MMUT: variants seen among roughly 807,000 people sequenced by gnomAD.
MMUT encodes the protein methylmalonyl-CoA mutase, also known as methylmalonyl-CoA mutase, mitochondrial.
Under a neutral mutation model 79.9 loss-of-function variants are expected in MMUT, and 79 were observed. That is an observed-to-expected ratio of 0.99 (90% confidence interval 0.82 to 1.19). The LOEUF is 1.19. Ranked by LOEUF, MMUT falls within the 50% of genes most tolerant of loss-of-function variation. The probability of loss-of-function intolerance (pLI) is 0.00; values close to 1 mark genes in which losing one functional copy is unlikely to be tolerated. For synonymous variants in MMUT, 273 were observed against 295.7 expected (o/e 0.92, Z 0.79); for missense variants, 860 against 917.2 (o/e 0.94, Z 0.81).
At chr6:49,452,487 C>T (rs1202029301) in intron 5 of MMUT, among the ~76,000 whole-genome samples, 1 of 152,078 alleles carries the variant, frequency 6.6e-6, no homozygotes, top group Non-Finnish European at 1.5e-5. Flanking sequence ...TGCCTGCCAA[C>T]ACACCTGGCT....
intron 8 of MMUT, 133 bp from the exon 9 acceptor site, chr6:49,444,887 T>C (rs961837969): frequency 3.2e-6 from 2 of 621,914 alleles, no homozygotes; most frequent in Middle Eastern, 3.0e-4. Flanking sequence ...GAGGAAAAAA[T>C]TGAAAAGAAT....
intron 11 of MMUT, among the ~76,000 whole-genome samples, chr6:49,439,270 C>CA: frequency 6.6e-6 from 1 of 152,226 alleles, no homozygotes; most frequent in South Asian, 2.1e-4. Context: ...ATTCAGTTTC[C>CA]ACCAAAGTCC....
At chr6:49,447,509 CAATGCCTTATCTTTAGTTCCCTT>C (rs1767438235) in intron 8 of MMUT, among the ~76,000 whole-genome samples, 138 bp downstream of exon 8, 1 of 151,710 alleles carries the variant, frequency 6.6e-6, no homozygotes, top group South Asian at 2.1e-4. Flanking sequence ...GCAAGTTTCT[CAATGCCTTATCTTTAGTTCCCTT>C]ACATTTGAAA....
chr6:49,451,446 T>TGCAAAGTGGAAA lies in MMUT; in HGVS notation c.1332+8_1332+19dup. 6.2e-7 allele frequency: 1 copy of TGCAAAGTGGAAA among 1,613,038 alleles called. No homozygotes were observed. The highest frequency in any genetic ancestry group is 8.5e-7 in the Non-Finnish European group (1 of 1,179,358). On this transcript the variant is annotated intron_variant, in intron 6 of 12. Coordinates refer to ENST00000274813, the MANE Select transcript of MMUT (RefSeq NM_000255.4). ...AATCTGTAAATTCTGAAAACAAAGT[T>TGCAAAGTGGAAA]GCAAAGTGGAAAAACTTACCTTTAA...
Position 49,441,845 on chromosome 6 carries a change from G to A in MMUT, c.1803C>T (p.Ile601=), listed in dbSNP as rs2127415165. 1.2e-6 allele frequency: 2 copies of A among 1,611,070 alleles called. No individual in the cohort carries two copies. The highest frequency in any genetic ancestry group is 1.7e-4 in the Middle Eastern group (1 of 6,046). The part of the protein sequence containing the change: ...FGESKEITSA[I]KRVHKFMERE... ...TAAGAAACCTTACATATTACCTCTT[G>A]ATAGCAGATGTTATCTCTTTACTTT... The change falls in exon 10 of 13, where the codon ATC becomes ATT. Residue 601 remains isoleucine (I), a synonymous_variant. Coordinates refer to ENST00000274813, the MANE Select transcript of MMUT (RefSeq NM_000255.4).
chr6:49,457,198 G>A (rs771716965), intron 3 of MMUT, among the ~76,000 whole-genome samples: 9 of 152,192 alleles, frequency 5.9e-5, no homozygotes, highest in Non-Finnish European at 1.3e-4. Flanking sequence ...GAAAATGAAG[G>A]AGGAAAATGT....
rs535035852 is a variant in MMUT, at chr6:49,456,912, A to G, written c.754-675T>C. 7.2e-5 allele frequency among the ~76,000 whole-genome samples: 11 copies of G among 152,300 alleles called. No homozygotes were observed. The South Asian group carries it at 1.2e-3, about 17-fold the overall frequency. On this transcript the variant is annotated intron_variant, in intron 3 of 12. Transcript: ENST00000274813. ...ATTTCCACTATTCCCCTAAAATTTC[A>G]TGTTAGGTAGAGTACATCACACATA... is the stretch of plus-strand genomic sequence containing the variant.
chr6:49,447,187 T>C (rs1442182289), intron 8 of MMUT, among the ~76,000 whole-genome samples: 2 of 151,876 alleles, frequency 1.3e-5, no homozygotes, highest in African/African-American at 4.8e-5. Flanking sequence ...CCAAATATAG[T>C]TGAATTTTAA....
rs760579526 is a variant in MMUT, at chr6:49,435,585, A to G, written c.1995T>C (p.Asp665=). 5 of 1,613,934 alleles carry G rather than the reference A, an allele frequency of 3.1e-6. No individual in the cohort carries two copies. Among genetic ancestry groups the G allele is most frequent in the South Asian group, 2.2e-5 (2 of 91,058 alleles). ...GGGTGCTTATGCCCACAGCATGCAC[A>G]TCCGCATCCACAGCCTGCTGGGCCA... is the stretch of plus-strand genomic sequence containing the variant. ...REVAQQAVDA[D]VHAVGISTLA... The change falls in exon 12 of 13, where the codon GAT becomes GAC. Residue 665 remains aspartate (D), a synonymous_variant. Transcript: ENST00000274813.
chr6:49,433,558 T>A (rs1767042487), intron 12 of MMUT, among the ~76,000 whole-genome samples: 1 of 152,178 alleles, frequency 6.6e-6, no homozygotes, highest in Non-Finnish European at 1.5e-5. Flanking sequence ...TGCTTCATGA[T>A]GGAAGCAGGC....
intron 9 of MMUT, among the ~76,000 whole-genome samples, chr6:49,444,213 T>C (rs944757962): frequency 2.6e-5 from 4 of 152,196 alleles, no homozygotes; most frequent in Admixed American, 1.3e-4. Context: ...GGTTGCTTCA[T>C]GGTTAAAACT....
chr6:49,456,444 AG>A (rs1223171723), intron 3 of MMUT, among the ~76,000 whole-genome samples: 3 of 152,188 alleles, frequency 2.0e-5, no homozygotes, highest in African/African-American at 7.2e-5. Context: ...AACCATCATC[AG>A]GACTGTACCT....
intron 12 of MMUT, among the ~76,000 whole-genome samples, chr6:49,433,893 C>T (rs990658091): frequency 2.0e-5 from 3 of 152,126 alleles, no homozygotes; most frequent in African/African-American, 7.2e-5. Context: ...AAAAGTATAA[C>T]ACAGAAAATG....
At chr6:49,451,801 G>T (rs946245932) in intron 5 of MMUT, 87 bp from the exon 6 acceptor site, 4 of 1,336,284 alleles carry the variant, frequency 3.0e-6, no homozygotes, top group Non-Finnish European at 4.2e-6. Flanking sequence ...AACAGCAACT[G>T]CTGCATATTT....
At chr6:49,455,704 A>T (rs1485982461) in intron 4 of MMUT, among the ~76,000 whole-genome samples, 1 of 152,238 alleles carries the variant, frequency 6.6e-6, no homozygotes, top group South Asian at 2.1e-4. Flanking sequence ...AGTGGATCCC[A>T]AAACATTACA....
chr6:49,448,706 G>T, intron 7 of MMUT, 110 bp downstream of exon 7: 2 of 910,922 alleles, frequency 2.2e-6, no homozygotes, highest in Non-Finnish European at 1.8e-6. Flanking sequence ...ATTTACCCAA[G>T]TTCCATTTTT....
intron 11 of MMUT, among the ~76,000 whole-genome samples, chr6:49,439,149 T>C (rs1055405469): frequency 1.3e-5 from 2 of 152,156 alleles, no homozygotes; most frequent in African/African-American, 4.8e-5. Flanking sequence ...TTCCATTTGA[T>C]GATGGAATGC....
chr6:49,444,423 C>T (rs1305230400), intron 9 of MMUT, among the ~76,000 whole-genome samples: 1 of 152,052 alleles, frequency 6.6e-6, no homozygotes, highest in African/African-American at 2.4e-5. Flanking sequence ...TCCTCAGCCA[C>T]AGTAAAATAC....
In MMUT at chr6:49,457,730, G is replaced by A. The variant is rs1489344185; in HGVS notation, c.714C>T (p.Ser238=). 1 of 1,611,726 alleles carries A rather than the reference G, an allele frequency of 6.2e-7. No individual in the cohort carries two copies. Among genetic ancestry groups the A allele is most frequent in the African/African-American group, 1.3e-5 (1 of 74,768 alleles). ...RNTYIFPPEP[S]MKIIADIFEY... is the part of the protein sequence containing the mutation. ...CAAATATGTCAGCAATAATTTTCAT[G>A]GATGGTTCTGGAGGAAAAATGTATG... The change falls in exon 3 of 13, where the codon TCC becomes TCT. Residue 238 remains serine, a synonymous_variant. Coordinates refer to ENST00000274813, the MANE Select transcript of MMUT (RefSeq NM_000255.4).
Sources: allele counts gnomAD v4.1 joint callset (sites outside exome capture counted in the v4.1 genomes callset), GRCh38; gene constraint gnomAD v4.1.1; transcripts MANE v1.5; gene names NCBI Gene and HGNC (gene_info 2026-07-23, HGNC 2026-07-21).